SDK1: variants seen among roughly 807,000 people sequenced by gnomAD.
SDK1 encodes the protein sidekick cell adhesion molecule 1.
Under a neutral mutation model 245.5 loss-of-function variants are expected in SDK1, and 157 were observed. That is an observed-to-expected ratio of 0.64 (90% CI 0.56 to 0.73). The LOEUF is 0.73. Among genes scored for constraint, SDK1 ranks in the 30% least tolerant of loss-of-function variants. The probability of loss-of-function intolerance (pLI) is 0.00; values close to 1 mark genes in which losing one functional copy is unlikely to be tolerated. For missense variants in SDK1, 3,583 were observed against 3,002.3 expected (o/e 1.19, Z -4.52); for synonymous variants, 1,647 against 1,278.5 (o/e 1.29, Z -6.15).
intron 20 of SDK1, among the ~76,000 whole-genome samples, chr7:4,070,069 T>C (rs930534): frequency 0.077 from 11,760 of 152,272 alleles, 1,029 homozygotes; most frequent in African/African-American, 0.21. Context: ...TGCCTGACGG[T>C]TCTGTTTATT....
chr7:3,639,758 A>G (rs972840646), intron 3 of SDK1, among the ~76,000 whole-genome samples: 1 of 152,116 alleles, frequency 6.6e-6, no homozygotes, highest in Non-Finnish European at 1.5e-5. Flanking sequence ...ATGAAGAGTA[A>G]AAATGGACTG....
intron 4 of SDK1, among the ~76,000 whole-genome samples, chr7:3,737,275 G>A (rs1779342639): frequency 6.6e-6 from 1 of 152,198 alleles, no homozygotes; most frequent in African/African-American, 2.4e-5. Flanking sequence ...GGTGGTCAAT[G>A]GGGTTGCTGG....
chr7:3,386,214 G>C (rs1781606329), intron 1 of SDK1, among the ~76,000 whole-genome samples: 1 of 152,124 alleles, frequency 6.6e-6, no homozygotes, highest in African/African-American at 2.4e-5. Context: ...TGATTGTGTA[G>C]TGTAAGGTTA....
rs560095532 is a variant in SDK1 at position 4,099,440 on chromosome 7, C to T, written c.3325-11223C>T. On this transcript the variant is annotated intron_variant, in intron 22 of 44. Coordinates refer to ENST00000404826, the MANE Select transcript of SDK1 (RefSeq NM_152744.4). ...CTTCTGAGGGAAGGGCCGGGCCAGG[C>T]AAGGTTAGGACTGCCTGGTGTCACA... 2.0e-3 allele frequency among the ~76,000 whole-genome samples: 279 copies of T among 139,656 alleles called. 2 individuals are homozygous for T. The highest frequency in any genetic ancestry group is 7.1e-3 in the Middle Eastern group (2 of 282). The allele number at this position is 139,656 out of a possible 152,430, so 91.6% of individuals were successfully genotyped here.
intron 1 of SDK1, among the ~76,000 whole-genome samples, chr7:3,443,879 A>G (rs1271316904): frequency 6.6e-6 from 1 of 152,254 alleles, no homozygotes; most frequent in Non-Finnish European, 1.5e-5. Context: ...AAGTTCAGCT[A>G]AACCACAGCA....
chr7:3,939,084 G>A lies in SDK1; in HGVS notation c.848-11839G>A, dbSNP rs555539230. Among the ~76,000 whole-genome samples the A allele has an allele frequency of 7.9e-5, 12 of 152,312 alleles. No homozygotes were observed. In the South Asian group the frequency reaches 8.3e-4, roughly 11 times the overall value. ...AGAATTGGAAATGGGATATACGACC[G>A]TATTTCCTCTCTTTCCCTTTCCCTC... On this transcript the variant is annotated intron_variant, in intron 5 of 44. Coordinates refer to ENST00000404826, the MANE Select transcript of SDK1 (RefSeq NM_152744.4).
Position 4,049,420 on chromosome 7 carries a change from C to T in SDK1, c.2675C>T (p.Pro892Leu). 1 of 1,614,162 alleles carries T rather than the reference C, an allele frequency of 6.2e-7. No individual in the cohort carries two copies. Among genetic ancestry groups the T allele is most frequent in the Non-Finnish European group, 8.5e-7 (1 of 1,180,020 alleles). Residue 892 changes from proline (P) to leucine (L), a missense_variant, in exon 18 of 45, where the codon CCT (proline) becomes CTT (leucine). By Grantham distance (98) the Pro-to-Leu change is moderately conservative (BLOSUM62 -3). Transcript: ENST00000404826. ...NSTTIQFLWN[P>L]PPQQFINGIN... ...ACCACCATTCAGTTCCTGTGGAACC[C>T]TCCGCCTCAGCAGTTTATCAATGGC... is the stretch of plus-strand genomic sequence containing the variant.
intron 4 of SDK1, among the ~76,000 whole-genome samples, chr7:3,661,564 G>C (rs1281586727): frequency 6.6e-6 from 1 of 152,036 alleles, no homozygotes; most frequent in South Asian, 2.1e-4. Flanking sequence ...AGGAATTGTG[G>C]CTATCATTGA....
At chr7:3,346,740 CGT>C (rs1383952892) in intron 1 of SDK1, among the ~76,000 whole-genome samples, 5 of 113,286 alleles carry the variant, frequency 4.4e-5, no homozygotes, top group African/African-American at 1.4e-4. Flanking sequence ...TATATATACA[CGT>C]ATATATATGT....
At chr7:4,082,385 A>G (rs1249109671) in intron 22 of SDK1, among the ~76,000 whole-genome samples, 1 of 151,974 alleles carries the variant, frequency 6.6e-6, no homozygotes, top group Non-Finnish European at 1.5e-5. Flanking sequence ...AAATACAAAA[A>G]TTAGCCAGGC....
At chr7:4,245,007 C>T (rs117866189) in intron 43 of SDK1, among the ~76,000 whole-genome samples, 3,723 of 152,244 alleles carry the variant, frequency 0.024, 75 homozygotes, top group Non-Finnish European at 0.033. Flanking sequence ...TGATCATGGG[C>T]GTGATGGGAG....
intron 13 of SDK1, among the ~76,000 whole-genome samples, chr7:3,977,595 C>T (rs1039546343): frequency 2.6e-5 from 4 of 152,234 alleles, no homozygotes; most frequent in Non-Finnish European, 5.9e-5. Context: ...CCGGAGGTCT[C>T]CTGATCATGC....
intron 4 of SDK1, among the ~76,000 whole-genome samples, chr7:3,717,168 G>A (rs968548045): frequency 6.6e-6 from 1 of 152,074 alleles, no homozygotes; most frequent in East Asian, 1.9e-4. Context: ...AACAATTAGA[G>A]GAACTAATTG....
At chr7:3,628,364 A>T (rs1583245039) in intron 2 of SDK1, among the ~76,000 whole-genome samples, 1 of 152,132 alleles carries the variant, frequency 6.6e-6, no homozygotes, top group African/African-American at 2.4e-5. Context: ...TTTTGTAGAG[A>T]TGGGATCTCA....
intron 4 of SDK1, among the ~76,000 whole-genome samples, chr7:3,772,614 T>G (rs1032338312): frequency 2.0e-5 from 3 of 152,228 alleles, no homozygotes; most frequent in East Asian, 1.9e-4. Flanking sequence ...TACAAACTAG[T>G]GCTAAAATAA....
chr7:3,840,301 T>G (rs963893259), intron 5 of SDK1, among the ~76,000 whole-genome samples: 2 of 152,100 alleles, frequency 1.3e-5, no homozygotes, highest in Non-Finnish European at 2.9e-5. Context: ...GCCAATATAT[T>G]TAACAATAAT....
chr7:3,983,420 G>A (rs918837716), intron 13 of SDK1, among the ~76,000 whole-genome samples: 9 of 152,150 alleles, frequency 5.9e-5, no homozygotes, highest in Admixed American at 6.5e-5. Flanking sequence ...CAACATCCAA[G>A]CAGGACCCTC....
Position 4,053,410 on chromosome 7 carries a change from G to A in SDK1, c.2911+1580G>A, listed in dbSNP as rs114270785. Among the ~76,000 whole-genome samples the A allele has an allele frequency of 7.9e-3, 1,203 of 151,948 alleles. 19 individuals are homozygous for A. The highest frequency in any genetic ancestry group is 0.027 in the African/African-American group (1,129 of 41,424). On this transcript the variant is annotated intron_variant, in intron 19 of 44. Coordinates refer to ENST00000404826, the MANE Select transcript of SDK1 (RefSeq NM_152744.4). ...AGTATGGCCTTTCTAAGGGTCCTCCGTCATCCTGTTCCCTTCTTCCCCTCT... is the reference window on the plus strand; with the variant it reads ...AGTATGGCCTTTCTAAGGGTCCTCCATCATCCTGTTCCCTTCTTCCCCTCT...
intron 4 of SDK1, among the ~76,000 whole-genome samples, chr7:3,774,766 A>T (rs185047256): frequency 6.6e-6 from 1 of 152,176 alleles, no homozygotes; most frequent in Non-Finnish European, 1.5e-5. Flanking sequence ...TCTAGGTTTT[A>T]TGATCTTCTC....
Sources: allele counts gnomAD v4.1 joint callset (sites outside exome capture counted in the v4.1 genomes callset), GRCh38; gene constraint gnomAD v4.1.1; transcripts MANE v1.5; gene names NCBI Gene and HGNC (gene_info 2026-07-23, HGNC 2026-07-21).